Variants in EXOC4 observed in about 807,000 individuals in gnomAD.
EXOC4 encodes the protein exocyst complex component 4, also known as SEC8-like 1.
A neutral mutation model predicts 107.2 loss-of-function variants in EXOC4; 71 were observed. The observed-to-expected ratio is 0.66, with a 90% confidence interval of 0.55 to 0.81. EXOC4 has a LOEUF of 0.81. Among genes scored for constraint, EXOC4 ranks in the 30% least tolerant of loss-of-function variants. EXOC4 has a pLI of 0.00. For synonymous variants in EXOC4, 456 were observed against 441.2 expected (o/e 1.03, Z -0.42); for missense variants, 1,108 against 1,189.6 (o/e 0.93, Z 1.01).
chr7:133,951,443 CCTT>C (rs1800688592), intron 14 of EXOC4, among the ~76,000 whole-genome samples: 1 of 152,224 alleles, frequency 6.6e-6, no homozygotes, highest in South Asian at 2.1e-4. Context: ...TTCTTCTGCT[CCTT>C]CTTTTTTAAG....
At chr7:133,766,271 C>T (rs556118458) in intron 10 of EXOC4, among the ~76,000 whole-genome samples, 2 of 151,980 alleles carry the variant, frequency 1.3e-5, no homozygotes, top group African/African-American at 4.8e-5. Flanking sequence ...CTTTGTCATG[C>T]ATCTGGTTAT....
At chr7:133,431,038 T>G (rs998611269) in intron 7 of EXOC4, among the ~76,000 whole-genome samples, 9 of 152,218 alleles carry the variant, frequency 5.9e-5, no homozygotes, top group Non-Finnish European at 2.9e-5. Flanking sequence ...CCCGTTTGTT[T>G]CGTAATGAGA....
chr7:134,037,720 T>A (rs887935661), intron 17 of EXOC4, among the ~76,000 whole-genome samples: 1 of 152,200 alleles, frequency 6.6e-6, no homozygotes, highest in African/African-American at 2.4e-5. Flanking sequence ...TTCCAGTTCC[T>A]TCTGAATCCC....
At chr7:133,423,213 G>T (rs1797641420) in intron 7 of EXOC4, among the ~76,000 whole-genome samples, 1 of 135,994 alleles carries the variant, frequency 7.4e-6, no homozygotes. Context: ...GCGACAGAGC[G>T]AGACTCCGTC....
At chr7:133,865,414 A>G (rs1049659505) in intron 11 of EXOC4, among the ~76,000 whole-genome samples, 2 of 152,238 alleles carry the variant, frequency 1.3e-5, no homozygotes, top group African/African-American at 4.8e-5. Context: ...TATTCTGAAC[A>G]TACAATTATA....
At chr7:133,921,056 A>G (rs1267305294) in intron 13 of EXOC4, among the ~76,000 whole-genome samples, 1 of 152,214 alleles carries the variant, frequency 6.6e-6, no homozygotes, top group African/African-American at 2.4e-5. Context: ...GGCCAAGAAC[A>G]TCCACCATCC....
At chr7:133,754,210 C>T (rs929692) in intron 10 of EXOC4, among the ~76,000 whole-genome samples, 150,217 of 152,318 alleles carry the variant, frequency 0.99, 74,120 homozygotes, top group Middle Eastern at 1. Flanking sequence ...GAGAAGGCCA[C>T]GGTGATCCCC....
chr7:133,610,234 T>A (rs1214281464), intron 9 of EXOC4, among the ~76,000 whole-genome samples: 1 of 152,194 alleles, frequency 6.6e-6, no homozygotes, highest in Admixed American at 6.5e-5. Context: ...AATCCCAGGG[T>A]ATTTTGATGA....
At chr7:133,938,640 A>G (rs569871681) in intron 14 of EXOC4, among the ~76,000 whole-genome samples, 64 of 152,330 alleles carry the variant, frequency 4.2e-4, no homozygotes, top group Non-Finnish European at 7.6e-4. Flanking sequence ...CTCTTTTTCT[A>G]TGAAGGACCA....
At chr7:134,079,058 T>G in the EXOC4 span, among the ~76,000 whole-genome samples, 1 of 152,204 alleles carries the variant, frequency 6.6e-6, no homozygotes, top group Non-Finnish European at 1.5e-5. Context: ...CAAATTCCTT[T>G]AGTAAACATC....
intron 10 of EXOC4, among the ~76,000 whole-genome samples, chr7:133,780,440 A>G (rs139952537): frequency 3.9e-5 from 6 of 152,264 alleles, no homozygotes; most frequent in African/African-American, 1.4e-4. Context: ...TTGGGAGCTC[A>G]AAAACTGTGT....
At position 133,971,503 on chromosome 7, in the gene EXOC4, T is replaced by C. The variant is rs556024536; in HGVS notation, c.2207-25989T>C. Reference sequence around the variant, plus strand: ...CATATATACATAAATATATTTTTTCTTATAGAAGATTGTCTTACCTCTTAT... The same window carrying C: ...CATATATACATAAATATATTTTTTCCTATAGAAGATTGTCTTACCTCTTAT... On this transcript the variant is annotated intron_variant, in intron 14 of 17. Coordinates refer to ENST00000253861, the MANE Select transcript of EXOC4 (RefSeq NM_021807.4). Among the ~76,000 whole-genome samples, 99 of 151,404 alleles carry C rather than the reference T, an allele frequency of 6.5e-4. 2 individuals carry two copies. Among genetic ancestry groups the C allele is most frequent in the Middle Eastern group, 3.4e-3 (1 of 292 alleles).
At chr7:133,438,845 G>A (rs1332160116) in intron 7 of EXOC4, among the ~76,000 whole-genome samples, 1 of 152,186 alleles carries the variant, frequency 6.6e-6, no homozygotes, top group East Asian at 1.9e-4. Flanking sequence ...CTTATAGTAT[G>A]TTGAATTGTT....
intron 14 of EXOC4, among the ~76,000 whole-genome samples, chr7:133,971,077 C>G (rs1008209556): frequency 6.6e-6 from 1 of 151,836 alleles, no homozygotes; most frequent in African/African-American, 2.4e-5. Flanking sequence ...TTATAAACTC[C>G]AGAGAAATGA....
intron 7 of EXOC4, among the ~76,000 whole-genome samples, chr7:133,432,008 T>C (rs1331052413): frequency 3.3e-5 from 5 of 152,152 alleles, no homozygotes; most frequent in Non-Finnish European, 7.4e-5. Context: ...ATACCTGGTA[T>C]TTAAAATAAC....
chr7:133,629,647 TCTC>T (rs1163782945), intron 9 of EXOC4, among the ~76,000 whole-genome samples: 2 of 151,994 alleles, frequency 1.3e-5, no homozygotes, highest in South Asian at 2.1e-4. Flanking sequence ...TTCAAGCAAT[TCTC>T]CTGCCTCAAC....
At chr7:133,487,845 A>G (rs1455795485) in intron 9 of EXOC4, among the ~76,000 whole-genome samples, 1 of 152,198 alleles carries the variant, frequency 6.6e-6, no homozygotes. Flanking sequence ...TTTGGTTCAC[A>G]TTGGTTTTTT....
chr7:133,836,381 A>C (rs1797919089), intron 11 of EXOC4, among the ~76,000 whole-genome samples: 1 of 152,198 alleles, frequency 6.6e-6, no homozygotes, highest in African/African-American at 2.4e-5. Flanking sequence ...AGCAGATCCA[A>C]TAGTAGAATC....
At chr7:133,965,885 G>T (rs1260888970) in intron 14 of EXOC4, among the ~76,000 whole-genome samples, 1 of 152,122 alleles carries the variant, frequency 6.6e-6, no homozygotes, top group Admixed American at 6.6e-5. Context: ...TTTTGATGAG[G>T]ATAGCATTGA....
Sources: gnomAD v4.1 joint callset for allele counts (sites outside exome capture counted in the v4.1 genomes callset) on GRCh38, gnomAD v4.1.1 for gene constraint, MANE v1.5 for transcripts, NCBI Gene and HGNC (gene_info 2026-07-23, HGNC 2026-07-21) for gene names.